Variants in MCF2 observed in about 807,000 individuals in gnomAD.
MCF2 encodes proto-oncogene DBL.
MCF2 carries 44 observed loss-of-function variants against 82.5 expected under a neutral mutation model. That is an observed-to-expected ratio of 0.53 (90% CI 0.42 to 0.69). MCF2 has a LOEUF of 0.69. MCF2 is among the 30% of genes least tolerant of loss of function. The pLI is 0.00. For missense variants in MCF2, 623 were observed against 663.1 expected, an observed-to-expected ratio of 0.94 and a Z score of 0.66; for synonymous variants, 217 against 224.9, an observed-to-expected ratio of 0.96 and a Z score of 0.32.
At chrX:139,582,586 G>C in intron 24 of MCF2, 83 bp from the exon 29 acceptor site, 1 of 685,422 alleles carries the variant, frequency 1.5e-6, no homozygotes, top group Non-Finnish European at 2.3e-6. Context: ...CCAGCTTCTT[G>C]TTTTGGCAGG....
upstream of MCF2, chrX:139,645,702 C>T (rs1933779975): frequency 1.3e-6 from 1 of 753,144 alleles, no homozygotes; most frequent in Non-Finnish European, 2.0e-6. Flanking sequence ...AATAATAATG[C>T]AAATTTGTTA....
chrX:139,587,650 G>A (rs1035981625), intron 22 of MCF2, 66 bp downstream of exon 26: 4 of 712,453 alleles, frequency 5.6e-6, no homozygotes, highest in Non-Finnish European at 8.7e-6. Context: ...TAATTACATT[G>A]CTTCATGTTA....
intron 2 of MCF2, 107 bp downstream of exon 2, chrX:139,651,613 A>G (rs903510205): frequency 1.2e-4 from 51 of 418,835 alleles, no homozygotes; most frequent in Non-Finnish European, 1.8e-4. Flanking sequence ...ATGAATATAT[A>G]TAATAGCTCT....
At chrX:139,653,636 C>A (rs755271708) in intron 1 of MCF2, among the ~76,000 whole-genome samples, 1 of 111,400 alleles carries the variant, frequency 9.0e-6, no homozygotes, top group African/African-American at 3.3e-5. Flanking sequence ...CTTAGCTGCT[C>A]TGTAATTTTC....
In MCF2 at chrX:139,587,755, T is replaced by C. The variant is rs1340669814; in HGVS notation, c.2483A>G (p.Glu828Gly). ...AAGAGAAATCTGAAACTTATCCCGT[T>C]CTGTTAATTGATCCTGTTGCTTTCT... The change falls in exon 22 of 25, where the codon GAA becomes GGA. Residue 828 changes from glutamate (E) to glycine (G), a missense_variant. Transcript: ENST00000370576. The C allele has an allele frequency of 8.4e-7, 1 of 1,195,765 alleles. No homozygotes were observed. The highest frequency in any genetic ancestry group is 2.2e-5 in the Admixed American group (1 of 45,393).
At chrX:139,646,973 G>A, upstream of MCF2, 1 of 626,661 alleles carries the variant, frequency 1.6e-6, no homozygotes, top group African/African-American at 2.3e-5. Flanking sequence ...GAGGATTTTA[G>A]ATTTGAATAC....
intron 1 of MCF2, among the ~76,000 whole-genome samples, chrX:139,665,151 G>A: frequency 9.0e-6 from 1 of 111,365 alleles, no homozygotes; most frequent in Non-Finnish European, 1.9e-5. Context: ...TGTGAGAGAG[G>A]TGGCACAAGC....
chrX:139,619,828 G>T (rs1932203711), intron 6 of MCF2, 122 bp from the exon 10 acceptor site: 4 of 494,372 alleles, frequency 8.1e-6, no homozygotes, highest in African/African-American at 2.5e-5. Flanking sequence ...TAAAAAATTT[G>T]GTTATTTTAT....
chrX:139,607,464 G>A (rs1931132042), intron 12 of MCF2: 2 of 240,061 alleles, frequency 8.3e-6, no homozygotes, highest in Non-Finnish European at 7.6e-6. Context: ...TTTTATTTCA[G>A]TCTGGGGTAA....
intron 6 of MCF2, among the ~76,000 whole-genome samples, chrX:139,622,065 C>T (rs1156282071): frequency 1.9e-4 from 21 of 111,398 alleles, no homozygotes; most frequent in South Asian, 3.8e-4. Flanking sequence ...AAAAAGTGGG[C>T]GAAGGATATG....
chrX:139,691,373 A>C (rs181173962), intron 1 of MCF2, among the ~76,000 whole-genome samples: 178 of 111,540 alleles, frequency 1.6e-3, no homozygotes, highest in Non-Finnish European at 3.0e-3. Flanking sequence ...AAAACAAAAA[A>C]AAATTGCTTT....
At chrX:139,600,273 C>T (rs147227558) in intron 16 of MCF2, among the ~76,000 whole-genome samples, 1,199 of 110,691 alleles carry the variant, frequency 0.011, 15 homozygotes, top group African/African-American at 0.037. Context: ...TTTAAAAGGG[C>T]GAACTGATGG....
intron 12 of MCF2, among the ~76,000 whole-genome samples, chrX:139,606,171 T>C (rs928508640): frequency 9.2e-6 from 1 of 108,362 alleles, no homozygotes; most frequent in African/African-American, 3.3e-5. Context: ...ATGTCTGAGG[T>C]TTTTATTGTT....
exon 23 of MCF2, chrX:139,586,380 G>C: frequency 8.4e-7 from 1 of 1,194,844 alleles, no homozygotes; most frequent in Non-Finnish European, 1.1e-6. Context: ...ACACATACCT[G>C]TATTTGCTTC....
intron 1 of MCF2, among the ~76,000 whole-genome samples, chrX:139,704,404 T>C (rs1459882666): frequency 8.9e-6 from 1 of 112,461 alleles, no homozygotes; most frequent in Non-Finnish European, 1.9e-5. Context: ...ATGATTGGCT[T>C]ATAAATTTGG....
chrX:139,688,909 G>A (rs5954216), intron 1 of MCF2, among the ~76,000 whole-genome samples: 1,458 of 111,349 alleles, frequency 0.013, 29 homozygotes, highest in African/African-American at 0.044. Flanking sequence ...AGACCCATTC[G>A]TCAGCTCTAC....
chrX:139,678,006 T>C (rs1007456992), intron 1 of MCF2, among the ~76,000 whole-genome samples: 7 of 110,754 alleles, frequency 6.3e-5, no homozygotes, highest in African/African-American at 2.3e-4. Context: ...CTACTAAAAA[T>C]ACAAAAATCA....
At chrX:139,642,590 T>C in exon 1 of MCF2, 3 of 1,208,124 alleles carry the variant, frequency 2.5e-6, no homozygotes, top group Non-Finnish European at 3.4e-6. Context: ...AGCTGCTTCT[T>C]GGGTAGTATT....
rs960809075 is a variant in MCF2 at position 139,600,665 on chromosome X, G to A, written c.1836+1741C>T. On this transcript the variant is annotated intron_variant, in intron 16 of 24. Coordinates refer to ENST00000370576, the Ensembl canonical transcript of MCF2. ...TAATAGAAATGCTCTAAAGATACAG[G>A]TATTTGGGAATCCCTTCAAGCAAAT... 2.7e-5 allele frequency among the ~76,000 whole-genome samples: 3 copies of A among 111,709 alleles called. No individual in the cohort carries two copies. In the Admixed American group the frequency reaches 2.9e-4, roughly 11 times the overall value.
Sources: allele counts gnomAD v4.1 joint callset (sites outside exome capture counted in the v4.1 genomes callset), GRCh38; gene constraint gnomAD v4.1.1; transcripts MANE v1.5; gene names NCBI Gene and HGNC (gene_info 2026-07-23, HGNC 2026-07-21).